ADAD1: variants seen among roughly 807,000 people sequenced by gnomAD.
ADAD1 encodes adenosine deaminase domain-containing protein 1.
In ADAD1, 46 loss-of-function variants were observed where a neutral mutation model predicts 66.8. That is an observed-to-expected ratio of 0.69 (90% CI 0.54 to 0.88). ADAD1 has a LOEUF of 0.88. Ranked by LOEUF, ADAD1 falls within the 40% of genes least tolerant of loss-of-function variation. The pLI is 0.00. For synonymous variants in ADAD1, 248 were observed against 229.4 expected (o/e 1.08, Z -0.73); for missense variants, 617 against 681.8 (o/e 0.91, Z 1.06).
intron 10 of ADAD1, among the ~76,000 whole-genome samples, chr4:122,413,864 A>G (rs1194554715): frequency 7.0e-6 from 1 of 143,686 alleles, no homozygotes; most frequent in East Asian, 2.0e-4. Context: ...ATATATATAT[A>G]TATATATATA....
rs1391715458 is a variant in ADAD1 at position 122,408,750 on chromosome 4, G to A, written c.848+719G>A. On this transcript the variant is annotated intron_variant, in intron 8 of 12. Coordinates refer to ENST00000296513, the MANE Select transcript of ADAD1 (RefSeq NM_139243.4). Reference sequence around the variant, plus strand: ...AAAATAAAATTAACCAGGTATGGTGGCACACAACTGTAGTCCCATCTACTT... The same window carrying A: ...AAAATAAAATTAACCAGGTATGGTGACACACAACTGTAGTCCCATCTACTT... Among the ~76,000 whole-genome samples, 6 of 152,022 alleles carry A rather than the reference G, an allele frequency of 3.9e-5. No homozygotes were observed. In the South Asian group the frequency reaches 1.2e-3, roughly 32 times the overall value.
chr4:122,418,377 T>C (rs6854405), intron 11 of ADAD1, among the ~76,000 whole-genome samples: 2 of 147,134 alleles, frequency 1.4e-5, no homozygotes, highest in Non-Finnish European at 1.5e-5. Flanking sequence ...TGGCGCGATA[T>C]CGGCTCACTG....
intron 12 of ADAD1, among the ~76,000 whole-genome samples, chr4:122,428,220 A>G (rs573867854): frequency 1.7e-4 from 26 of 152,254 alleles, no homozygotes; most frequent in African/African-American, 5.8e-4. Flanking sequence ...ATAAATTAGA[A>G]AATATTTACA....
At chr4:122,417,067 G>A (rs1014705772) in intron 11 of ADAD1, among the ~76,000 whole-genome samples, 4 of 152,314 alleles carry the variant, frequency 2.6e-5, no homozygotes, top group African/African-American at 9.6e-5. Context: ...GGGTGCAGTG[G>A]CTCACGCCTA....
chr4:122,429,545 C>G (rs1029599520), intron 12 of ADAD1, 81 bp from the exon 13 acceptor site: 1 of 713,390 alleles, frequency 1.4e-6, no homozygotes, highest in East Asian at 2.8e-5. Context: ...AAATTTCAAG[C>G]TAAAGAAACA....
chr4:122,404,381 G>A (rs1452355523), intron 7 of ADAD1, among the ~76,000 whole-genome samples: 1 of 152,112 alleles, frequency 6.6e-6, no homozygotes, highest in Non-Finnish European at 1.5e-5. Context: ...CCCGCTGTTG[G>A]TCTTCTGTTT....
chr4:122,414,110 AAG>A (rs944853646), intron 10 of ADAD1, among the ~76,000 whole-genome samples: 64 of 150,620 alleles, frequency 4.2e-4, no homozygotes, highest in Admixed American at 8.6e-4. Context: ...TGAAGGGAAA[AAG>A]TAAAATTTAT....
chr4:122,397,801 C>T (rs1795786051), intron 7 of ADAD1, among the ~76,000 whole-genome samples: 1 of 152,072 alleles, frequency 6.6e-6, no homozygotes, highest in Non-Finnish European at 1.5e-5. Flanking sequence ...GTTTCCTCAT[C>T]CATAGGGAAT....
chr4:122,421,499 ATAAGATATTACCAGG>A, intron 12 of ADAD1, 109 bp downstream of exon 12: 1 of 1,033,716 alleles, frequency 9.7e-7, no homozygotes, highest in Non-Finnish European at 1.3e-6. Flanking sequence ...CTTCCTGAAT[ATAAGATATTACCAGG>A]TAATGGTAAA....
chr4:122,413,014 G>A (rs965047518), intron 10 of ADAD1, among the ~76,000 whole-genome samples: 2 of 152,136 alleles, frequency 1.3e-5, no homozygotes, highest in South Asian at 2.1e-4. Flanking sequence ...GGGAGGCAGA[G>A]GTTGTGGGAT....
At chr4:122,415,024 G>A (rs2150587208) in intron 10 of ADAD1, among the ~76,000 whole-genome samples, 1 of 152,204 alleles carries the variant, frequency 6.6e-6, no homozygotes, top group Middle Eastern at 3.4e-3. Flanking sequence ...AACTGTACTT[G>A]CAAGAAATCA....
intron 5 of ADAD1, among the ~76,000 whole-genome samples, chr4:122,389,999 T>G (rs1164694487): frequency 6.6e-6 from 1 of 152,242 alleles, no homozygotes; most frequent in Non-Finnish European, 1.5e-5. Context: ...CTCTTTCCGA[T>G]TTTTCATTTC....
intron 7 of ADAD1, among the ~76,000 whole-genome samples, chr4:122,399,511 TTC>T (rs1795871203): frequency 6.6e-6 from 1 of 152,166 alleles, no homozygotes; most frequent in Non-Finnish European, 1.5e-5. Flanking sequence ...TTTTTTCTAG[TTC>T]TGTGAAGAAC....
chr4:122,410,797 C>T (rs1796432311), intron 8 of ADAD1, among the ~76,000 whole-genome samples: 1 of 152,118 alleles, frequency 6.6e-6, no homozygotes. Flanking sequence ...GCAGGGACCA[C>T]AGTTTTTGTC....
In ADAD1 at chr4:122,381,197, A is replaced by G. The variant is rs746715706; in HGVS notation, c.361+17A>G. ...TGACAACAGGCAAGTGTAAAATTGT[A>G]TTTGTCTCAAAAACAAAACGAAAAG... On this transcript the variant is annotated intron_variant, in intron 4 of 12. Transcript: ENST00000296513. 1 of 1,533,160 alleles carries G rather than the reference A, an allele frequency of 6.5e-7. No individual in the cohort carries two copies. The highest frequency in any genetic ancestry group is 2.4e-5 in the East Asian group (1 of 41,726). The allele number at this position is 1,533,160 out of a possible 1,614,324, so 95.0% of individuals were successfully genotyped here. A position where few individuals can be genotyped will look rare whatever the true frequency, so the allele number is the denominator to read the frequency against.
At chr4:122,411,947 A>G (rs1181056173) in intron 9 of ADAD1, among the ~76,000 whole-genome samples, 1 of 152,194 alleles carries the variant, frequency 6.6e-6, no homozygotes, top group Non-Finnish European at 1.5e-5. Flanking sequence ...TACAAATACG[A>G]GAGTTAAGAA....
In ADAD1 at chr4:122,380,410, G is replaced by GCT. The variant is rs920305593; in HGVS notation, c.172+172_172+173dup. On this transcript the variant is annotated intron_variant, in intron 3 of 12. Coordinates refer to ENST00000296513, the MANE Select transcript of ADAD1 (RefSeq NM_139243.4). Reference sequence around the variant, plus strand: ...TCAACATTTGGAGGAGGCCTGTAGAGCTCTTTACCTGTGCCGCTCGTTTAA... The same window carrying GCT: ...TCAACATTTGGAGGAGGCCTGTAGAGCTCTCTTTACCTGTGCCGCTCGTTTAA... 12 of 735,472 alleles carry GCT rather than the reference G, an allele frequency of 1.6e-5. No homozygotes were observed. In the Admixed American group the frequency reaches 3.8e-4, roughly 24 times the overall value. The allele number at this position is 735,472 out of a possible 1,614,324, so 45.6% of individuals were successfully genotyped here. A position where few individuals can be genotyped will look rare whatever the true frequency, so the allele number is the denominator to read the frequency against.
chr4:122,407,445 T>G (rs1297048840), intron 7 of ADAD1, among the ~76,000 whole-genome samples: 1 of 152,216 alleles, frequency 6.6e-6, no homozygotes, highest in African/African-American at 2.4e-5. Flanking sequence ...GTTTTTTGTT[T>G]TTAAGAAAGC....
At chr4:122,397,221 G>A (rs1795758470) in intron 7 of ADAD1, among the ~76,000 whole-genome samples, 1 of 152,162 alleles carries the variant, frequency 6.6e-6, no homozygotes, top group African/African-American at 2.4e-5. Context: ...TGATAAAATA[G>A]TGCCAGATTA....
Sources: gnomAD v4.1 joint callset for allele counts (sites outside exome capture counted in the v4.1 genomes callset) on GRCh38, gnomAD v4.1.1 for gene constraint, MANE v1.5 for transcripts, NCBI Gene and HGNC (gene_info 2026-07-23, HGNC 2026-07-21) for gene names.